The following GRAMD2B variants were observed in gnomAD, a reference collection of about 807,000 sequenced individuals.
GRAMD2B encodes GRAM domain-containing protein 2B.
In GRAMD2B, 41 loss-of-function variants were observed where a neutral mutation model predicts 59.2. That is an observed-to-expected ratio of 0.69 (90% CI 0.54 to 0.90). The LOEUF is 0.90. Among genes scored for constraint, GRAMD2B ranks in the 40% least tolerant of loss-of-function variants. The pLI, the probability that GRAMD2B is intolerant of heterozygous loss-of-function variation, is 0.00. For synonymous variants in GRAMD2B, 161 were observed against 182.7 expected, an observed-to-expected ratio of 0.88 and a Z score of 0.96; for missense variants, 424 against 500.5, an observed-to-expected ratio of 0.85 and a Z score of 1.46.
chr5:126,362,986 G>T (rs1394127830), intron 1 of GRAMD2B, among the ~76,000 whole-genome samples: 1 of 152,130 alleles, frequency 6.6e-6, no homozygotes, highest in Non-Finnish European at 1.5e-5. Flanking sequence ...TACCAAAATG[G>T]AAAACTTTCT....
chr5:126,486,567 G>A (rs1303438085), intron 11 of GRAMD2B, among the ~76,000 whole-genome samples: 3 of 152,134 alleles, frequency 2.0e-5, no homozygotes, highest in Non-Finnish European at 2.9e-5. Context: ...GGCAGAGGAC[G>A]GTAGTACCGC....
At chr5:126,417,202 A>G (rs575247331) in intron 1 of GRAMD2B, among the ~76,000 whole-genome samples, 3 of 152,334 alleles carry the variant, frequency 2.0e-5, no homozygotes, top group East Asian at 3.9e-4. Context: ...GACTAGCCCT[A>G]TGGCTTACCT....
chr5:126,396,665 A>G (rs1757388715), intron 1 of GRAMD2B, among the ~76,000 whole-genome samples: 1 of 152,190 alleles, frequency 6.6e-6, no homozygotes, highest in African/African-American at 2.4e-5. Flanking sequence ...TTGTAATAGA[A>G]TAATTTATAT....
At chr5:126,423,832 ACT>A (rs34490811) in intron 1 of GRAMD2B, 143 bp downstream of exon 1, 57 of 590,600 alleles carry the variant, frequency 9.7e-5, no homozygotes, top group East Asian at 1.6e-4. Context: ...TCTGTCTCTC[ACT>A]CTCTCTCTCT....
intron 1 of GRAMD2B, among the ~76,000 whole-genome samples, chr5:126,435,221 T>G (rs1762217030): frequency 1.3e-5 from 2 of 152,178 alleles, no homozygotes; most frequent in Non-Finnish European, 2.9e-5. Flanking sequence ...TACCATGTGA[T>G]AAGAATTTCA....
intron 1 of GRAMD2B, among the ~76,000 whole-genome samples, chr5:126,442,118 C>T (rs770823318): frequency 4.0e-5 from 6 of 150,724 alleles, no homozygotes; most frequent in Non-Finnish European, 7.4e-5. Context: ...CTAACTATCC[C>T]ACTGAATACT....
intron 13 of GRAMD2B, 70 bp from the exon 14 acceptor site, chr5:126,492,845 C>A: frequency 1.0e-6 from 1 of 1,004,792 alleles, no homozygotes; most frequent in Non-Finnish European, 1.5e-6. Context: ...GCTATATAGA[C>A]TATAACAAAT....
upstream of GRAMD2B, chr5:126,423,303 G>A: frequency 8.1e-7 from 1 of 1,236,400 alleles, no homozygotes; most frequent in Non-Finnish European, 1.0e-6. Context: ...TCGTTCAACA[G>A]GTTTCCTTTT....
intron 5 of GRAMD2B, among the ~76,000 whole-genome samples, chr5:126,475,967 G>A (rs1336442061): frequency 2.0e-5 from 3 of 152,190 alleles, no homozygotes; most frequent in African/African-American, 7.2e-5. Context: ...AATCAGCCAG[G>A]CATGGTGGTA....
chr5:126,389,369 C>T (rs896505632), intron 1 of GRAMD2B, among the ~76,000 whole-genome samples: 2 of 152,162 alleles, frequency 1.3e-5, no homozygotes, highest in East Asian at 1.9e-4. Context: ...GCAGTGATTT[C>T]GATCTTCTCT....
intron 1 of GRAMD2B, among the ~76,000 whole-genome samples, chr5:126,457,646 G>GTA (rs1766569377): frequency 6.6e-6 from 1 of 151,926 alleles, no homozygotes; most frequent in Admixed American, 6.6e-5. Context: ...GAAAAAAATT[G>GTA]TATATATATC....
intron 1 of GRAMD2B, among the ~76,000 whole-genome samples, chr5:126,386,258 C>T (rs150607233): frequency 2.6e-4 from 39 of 152,308 alleles, no homozygotes; most frequent in African/African-American, 8.7e-4. Context: ...GATCTGTCTG[C>T]TGATCCTTGC....
chr5:126,450,743 C>G (rs555865435), intron 1 of GRAMD2B, among the ~76,000 whole-genome samples: 3 of 151,660 alleles, frequency 2.0e-5, no homozygotes, highest in Non-Finnish European at 2.9e-5. Flanking sequence ...AGGTACAGCT[C>G]GGGCTGCCAC....
chr5:126,447,525 G>C (rs62391854), intron 1 of GRAMD2B, among the ~76,000 whole-genome samples: 2 of 151,780 alleles, frequency 1.3e-5, no homozygotes, highest in South Asian at 2.1e-4. Flanking sequence ...TTAGCCGGGC[G>C]TGGTGGCGGG....
intron 1 of GRAMD2B, among the ~76,000 whole-genome samples, chr5:126,365,916 T>C (rs1281870561): frequency 6.6e-6 from 1 of 152,186 alleles, no homozygotes; most frequent in East Asian, 1.9e-4. Context: ...TTCAAATTTC[T>C]TACCTTTATA....
intron 1 of GRAMD2B, among the ~76,000 whole-genome samples, chr5:126,441,096 T>A (rs1763211086): frequency 6.6e-6 from 1 of 152,140 alleles, no homozygotes; most frequent in South Asian, 2.1e-4. Context: ...GTGTTGGTAA[T>A]GTTTGAATTT....
chr5:126,406,651 C>A (rs1321183317), intron 1 of GRAMD2B, among the ~76,000 whole-genome samples: 1 of 151,940 alleles, frequency 6.6e-6, no homozygotes, highest in East Asian at 1.9e-4. Context: ...ATTTACAGAG[C>A]TTACTTATTG....
rs114129145 is a variant in GRAMD2B at position 126,462,774 on chromosome 5, A to G, written c.84-2652A>G. 7.9e-3 allele frequency among the ~76,000 whole-genome samples: 1,210 copies of G among 152,308 alleles called. 19 individuals are homozygous for G. The highest frequency in any genetic ancestry group is 0.028 in the African/African-American group (1,153 of 41,560). The stretch of plus-strand genomic sequence containing the variant: ...GTGAGTTATAAAATCAGCAGGCAGC[A>G]TAGAGACTTTTAAGCAGTGTGGAGG... On this transcript the variant is annotated intron_variant, in intron 1 of 13. Coordinates refer to ENST00000285689, the MANE Select transcript of GRAMD2B (RefSeq NM_023927.4).
chr5:126,481,237 A>G lies in GRAMD2B; in HGVS notation c.735+530A>G, dbSNP rs200946134. Among the ~76,000 whole-genome samples, 701 of 84,268 alleles carry G rather than the reference A, an allele frequency of 8.3e-3. 22 individuals carry two copies. The highest frequency in any genetic ancestry group is 0.018 in the African/African-American group (410 of 23,076). 55.3% of individuals were successfully genotyped at this position (84,268 alleles called of 152,430 possible). A position where few individuals can be genotyped will look rare whatever the true frequency, so the allele number is the denominator to read the frequency against. Reference sequence around the variant, plus strand: ...AAAGAAAGAAAGAAAGAAAGAAAGAAAGAAAGAAAGAAAAGAAAAAAAAAG... The same window carrying G: ...AAAGAAAGAAAGAAAGAAAGAAAGAGAGAAAGAAAGAAAAGAAAAAAAAAG... On this transcript the variant is annotated intron_variant, in intron 8 of 13. Coordinates refer to ENST00000285689, the MANE Select transcript of GRAMD2B (RefSeq NM_023927.4).
Sources: gnomAD v4.1 joint callset for allele counts (sites outside exome capture counted in the v4.1 genomes callset) on GRCh38, gnomAD v4.1.1 for gene constraint, MANE v1.5 for transcripts, NCBI Gene and HGNC (gene_info 2026-07-23, HGNC 2026-07-21) for gene names.